The following CDH8 variants were observed in gnomAD, a reference collection of about 807,000 sequenced individuals.
CDH8 encodes cadherin-8.
Under a neutral mutation model 68.1 loss-of-function variants are expected in CDH8, and 17 were observed. The observed-to-expected ratio is 0.25, with a 90% CI of 0.17 to 0.37. The LOEUF is 0.37. Among genes scored for constraint, CDH8 ranks in the 10% least tolerant of loss-of-function variants. CDH8 has a pLI of 1.00. For missense variants in CDH8, 763 were observed against 999.3 expected, an observed-to-expected ratio of 0.76 and a Z score of 3.19; for synonymous variants, 372 against 365.1, an observed-to-expected ratio of 1.02 and a Z score of -0.21.
intron 3 of CDH8, among the ~76,000 whole-genome samples, chr16:61,864,937 G>A (rs972608544): frequency 1.3e-5 from 2 of 152,130 alleles, no homozygotes; most frequent in African/African-American, 4.8e-5. Flanking sequence ...AAGAGGCAGA[G>A]GCAGCATGTG....
At chr16:61,687,499 A>G (rs985075482) in intron 10 of CDH8, among the ~76,000 whole-genome samples, 8 of 151,924 alleles carry the variant, frequency 5.3e-5, no homozygotes, top group African/African-American at 9.7e-5. Context: ...AGTGTCTTCA[A>G]TTTAATGGAT....
rs939254417 is a variant in CDH8, at chr16:61,736,434, G to C, written c.1415-9219C>G. ...TTTCTTTTTTAAAAATTAGCAAAAA[G>C]CAGACTGAAAGAGAAATTATGTTTC... On this transcript the variant is annotated intron_variant, in intron 8 of 11. Coordinates refer to ENST00000577390, the MANE Select transcript of CDH8 (RefSeq NM_001796.5). 3.3e-5 allele frequency among the ~76,000 whole-genome samples: 5 copies of C among 152,146 alleles called. 1 individual carries two copies. The East Asian group carries it at 9.6e-4, about 29-fold the overall frequency.
At chr16:61,822,818 G>A (rs944847519) in intron 5 of CDH8, among the ~76,000 whole-genome samples, 2 of 151,824 alleles carry the variant, frequency 1.3e-5, no homozygotes, top group Non-Finnish European at 2.9e-5. Context: ...GGGCCGCGCC[G>A]TGCTGCTAGT....
chr16:61,967,458 T>C (rs981745985), intron 2 of CDH8, among the ~76,000 whole-genome samples: 71 of 152,342 alleles, frequency 4.7e-4, no homozygotes, highest in African/African-American at 1.6e-3. Flanking sequence ...TTATCTGAAA[T>C]GCTTAGCACC....
intron 3 of CDH8, among the ~76,000 whole-genome samples, chr16:61,857,782 C>A (rs999747788): frequency 3.9e-5 from 6 of 151,996 alleles, no homozygotes; most frequent in Admixed American, 3.3e-4. Flanking sequence ...AGAATCATAA[C>A]CTTTTTTTCA....
At chr16:61,976,093 T>C (rs1331814955) in intron 2 of CDH8, among the ~76,000 whole-genome samples, 1 of 152,198 alleles carries the variant, frequency 6.6e-6, no homozygotes, top group Non-Finnish European at 1.5e-5. Context: ...CCTTTTCTAC[T>C]AAAGGCTGCA....
chr16:61,945,350 A>G (rs1018729204), intron 2 of CDH8, among the ~76,000 whole-genome samples: 3 of 151,860 alleles, frequency 2.0e-5, no homozygotes, highest in African/African-American at 7.3e-5. Context: ...ATTACTGCTC[A>G]GAGAGACACA....
At chr16:61,913,084 T>C (rs1373009267) in intron 2 of CDH8, among the ~76,000 whole-genome samples, 1 of 152,172 alleles carries the variant, frequency 6.6e-6, no homozygotes, top group Non-Finnish European at 1.5e-5. Context: ...TAGAAGTGTT[T>C]CAGATTTTGG....
At chr16:61,995,863 C>A (rs940985421) in intron 2 of CDH8, among the ~76,000 whole-genome samples, 14 of 152,286 alleles carry the variant, frequency 9.2e-5, no homozygotes. Context: ...AAGCTTACAT[C>A]TCACCTGCCC....
At chr16:61,745,649 T>C (rs891911936) in intron 8 of CDH8, among the ~76,000 whole-genome samples, 1 of 151,606 alleles carries the variant, frequency 6.6e-6, no homozygotes, top group African/African-American at 2.4e-5. Context: ...TTTCAGTTGA[T>C]TATATTGTTA....
intron 4 of CDH8, among the ~76,000 whole-genome samples, chr16:61,848,188 G>C (rs1962854608): frequency 1.3e-5 from 2 of 151,950 alleles, no homozygotes. Flanking sequence ...GATCCTACCT[G>C]GTGTGTTCAC....
At chr16:61,659,451 G>A (rs976258219) in intron 10 of CDH8, among the ~76,000 whole-genome samples, 3 of 152,126 alleles carry the variant, frequency 2.0e-5, no homozygotes, top group Non-Finnish European at 4.4e-5. Context: ...AAGGTGGGAC[G>A]TCAGACATTC....
chr16:61,668,012 T>C (rs1227324982), intron 10 of CDH8, among the ~76,000 whole-genome samples: 7 of 151,904 alleles, frequency 4.6e-5, no homozygotes, highest in African/African-American at 1.7e-4. Flanking sequence ...GAAAAACATA[T>C]ATGGAGGGAA....
At chr16:61,702,228 C>T (rs1344805746) in intron 10 of CDH8, among the ~76,000 whole-genome samples, 4 of 152,052 alleles carry the variant, frequency 2.6e-5, no homozygotes, top group Non-Finnish European at 4.4e-5. Context: ...AAAAATTAGC[C>T]GGGAGTGGCG....
chr16:61,879,880 G>A (rs1465360131), intron 3 of CDH8, among the ~76,000 whole-genome samples: 1 of 149,732 alleles, frequency 6.7e-6, no homozygotes, highest in Non-Finnish European at 1.5e-5. Context: ...TTGTATGAAG[G>A]AAAATCCAGA....
Position 61,650,995 on chromosome 16 carries a change from C to T in CDH8, c.*2613G>A, listed in dbSNP as rs1963310625. 1.3e-5 allele frequency: 2 copies of T among 152,060 alleles called. No homozygotes were observed. The highest frequency in any genetic ancestry group is 4.8e-5 in the African/African-American group (2 of 41,398). 9.4% of individuals were successfully genotyped at this position (152,060 alleles called of 1,614,324 possible). ...CTAGTAGAGCAGACATTATCTCCTG[C>T]TCACAGAAACCACTGTACGAAGATT... is the stretch of plus-strand genomic sequence containing the variant. On this transcript the variant is annotated 3_prime_UTR_variant, in exon 12 of 12. Transcript: ENST00000577390.
At chr16:61,826,924 A>G (rs773414473) in intron 4 of CDH8, among the ~76,000 whole-genome samples, 23 of 151,914 alleles carry the variant, frequency 1.5e-4, no homozygotes, top group Admixed American at 9.9e-4. Flanking sequence ...ATATTTTTCA[A>G]TGCAATGCTT....
At chr16:61,729,294 CTG>C (rs906452716) in intron 8 of CDH8, among the ~76,000 whole-genome samples, 9 of 150,870 alleles carry the variant, frequency 6.0e-5, no homozygotes, top group African/African-American at 2.2e-4. Flanking sequence ...ATTTGTGCCT[CTG>C]TGTGTGTGTA....
At chr16:61,782,252 C>T (rs1321268222) in intron 8 of CDH8, among the ~76,000 whole-genome samples, 5 of 152,316 alleles carry the variant, frequency 3.3e-5, no homozygotes, top group Admixed American at 2.0e-4. Flanking sequence ...CGAGCCGAAG[C>T]AGGGCGAGGC....
Sources: gnomAD v4.1 joint callset for allele counts (sites outside exome capture counted in the v4.1 genomes callset) on GRCh38, gnomAD v4.1.1 for gene constraint, MANE v1.5 for transcripts, NCBI Gene and HGNC (gene_info 2026-07-23, HGNC 2026-07-21) for gene names.